Variants in MTREX observed in about 807,000 individuals in gnomAD.
MTREX encodes exosome RNA helicase MTR4.
MTREX carries 76 observed loss-of-function variants against 135.4 expected under a neutral mutation model. The observed-to-expected ratio is 0.56, with a 90% CI of 0.47 to 0.68. MTREX has a LOEUF of 0.68. Ranked by LOEUF, MTREX falls within the 30% of genes least tolerant of loss-of-function variation. MTREX has a pLI of 0.00. For synonymous variants in MTREX, 404 were observed against 401.6 expected (o/e 1.01, Z -0.07); for missense variants, 920 against 1,262.1 (o/e 0.73, Z 4.11).
rs1168571292 is a variant in MTREX at position 55,416,063 on chromosome 5, G to C, written c.2902G>C (p.Asp968His). 1 of 1,602,388 alleles carries C rather than the reference G, an allele frequency of 6.2e-7. No individual in the cohort carries two copies. The highest frequency in any genetic ancestry group is 8.5e-7 in the Non-Finnish European group (1 of 1,175,996). ...YLSSFKPHLM[D>H]VVYTWATGAT... The stretch of plus-strand genomic sequence containing the variant: ...AAGCTCATTTAAACCTCACTTAATG[G>C]ATGTAGTATATACCTGGGCAACTGG... Residue 968 changes from aspartate to histidine, a missense_variant, in exon 25 of 27, where the codon GAT becomes CAT. Asp to His is a moderately conservative substitution (Grantham distance 81). This residue lies in a region of MTREX where 467 missense variants were observed against 589.7 expected (regional missense o/e 0.79). Coordinates refer to ENST00000230640, the MANE Select transcript of MTREX (RefSeq NM_015360.5).
chr5:55,376,162 G>A (rs1225453969), intron 16 of MTREX, among the ~76,000 whole-genome samples: 3 of 152,198 alleles, frequency 2.0e-5, no homozygotes, highest in Non-Finnish European at 4.4e-5. Flanking sequence ...GTGAGCTTGA[G>A]GGGCTTCAAA....
chr5:55,358,549 T>C, intron 14 of MTREX, 24 bp from the exon 15 acceptor site: 1 of 1,566,580 alleles, frequency 6.4e-7, no homozygotes, highest in Non-Finnish European at 8.6e-7. Flanking sequence ...TCCTAAACTC[T>C]GAATTTTAAC....
intron 19 of MTREX, among the ~76,000 whole-genome samples, chr5:55,393,246 G>T (rs1181617795): frequency 6.6e-6 from 1 of 152,114 alleles, no homozygotes; most frequent in African/African-American, 2.4e-5. Context: ...GCAAGCCTTT[G>T]GTTAATTTCC....
At position 55,422,869 on chromosome 5, in the gene MTREX, T is replaced by C; in HGVS notation, c.2972-9T>C. ...CATTTTACCAGTGTTTTGTTCCTTT[T>C]CTATCCAGGCAGCATAATTCGTTGT... On this transcript the variant is annotated splice_polypyrimidine_tract_variant and intron_variant, in intron 25 of 26. Transcript: ENST00000230640. 1.2e-6 allele frequency: 2 copies of C among 1,605,710 alleles called. No individual in the cohort carries two copies. Among genetic ancestry groups the C allele is most frequent in the Non-Finnish European group, 1.7e-6 (2 of 1,176,862 alleles).
chr5:55,390,130 G>A lies in MTREX; in HGVS notation c.2181+2028G>A, dbSNP rs193254419. Among the ~76,000 whole-genome samples, 606 of 151,912 alleles carry A rather than the reference G, an allele frequency of 4.0e-3. 4 individuals are homozygous for A. Among genetic ancestry groups the A allele is most frequent in the African/African-American group, 0.014 (579 of 41,398 alleles). ...CTTTTTTCTTTTTTTTTGAGATGGA[G>A]TCTCGCTCTGTCACCAGGCTGGAGT... On this transcript the variant is annotated intron_variant, in intron 19 of 26. Transcript: ENST00000230640.
chr5:55,421,351 C>G (rs995075250), intron 25 of MTREX, among the ~76,000 whole-genome samples: 3 of 152,188 alleles, frequency 2.0e-5, no homozygotes, highest in Non-Finnish European at 2.9e-5. Flanking sequence ...TGTGCACATA[C>G]CCAGTGATTT....
chr5:55,366,593 C>A, intron 15 of MTREX, 132 bp from the exon 16 acceptor site: 2 of 588,718 alleles, frequency 3.4e-6, no homozygotes, highest in East Asian at 3.4e-5. Context: ...TATTGGTTAA[C>A]TAAAGGGTAG....
At chr5:55,308,631 A>G (rs1749027790) in intron 1 of MTREX, among the ~76,000 whole-genome samples, 2 of 152,270 alleles carry the variant, frequency 1.3e-5, no homozygotes, top group South Asian at 4.1e-4. Context: ...CCACTGGTGG[A>G]TATGAGGATT....
intron 25 of MTREX, among the ~76,000 whole-genome samples, chr5:55,419,738 T>G (rs186943258): frequency 7.8e-4 from 119 of 152,336 alleles, no homozygotes; most frequent in Admixed American, 2.0e-3. Context: ...CTATGATGAA[T>G]TATCTCTTGA....
intron 11 of MTREX, among the ~76,000 whole-genome samples, chr5:55,349,124 T>C (rs1749783940): frequency 6.6e-6 from 1 of 152,106 alleles, no homozygotes; most frequent in African/African-American, 2.4e-5. Context: ...GTGGTAATTT[T>C]TATCTACTTT....
chr5:55,324,265 G>A (rs1475616809), intron 3 of MTREX, 67 bp downstream of exon 3: 2 of 1,112,668 alleles, frequency 1.8e-6, no homozygotes, highest in Admixed American at 3.8e-5. Flanking sequence ...TATCTAGTAT[G>A]ATGATCAGCA....
At chr5:55,371,981 A>G (rs1034713375) in intron 16 of MTREX, among the ~76,000 whole-genome samples, 1 of 152,050 alleles carries the variant, frequency 6.6e-6, no homozygotes, top group East Asian at 1.9e-4. Flanking sequence ...AAAAAAGAAA[A>G]TCTTCCTGGA....
intron 16 of MTREX, among the ~76,000 whole-genome samples, chr5:55,367,791 G>A (rs1337561378): frequency 1.3e-5 from 2 of 152,194 alleles, no homozygotes; most frequent in East Asian, 1.9e-4. Context: ...ACGATTTAAA[G>A]TACTGGTTTT....
At chr5:55,378,241 A>G in intron 16 of MTREX, 73 bp from the exon 17 acceptor site, 1 of 1,458,440 alleles carries the variant, frequency 6.9e-7, no homozygotes, top group Non-Finnish European at 9.0e-7. Flanking sequence ...CTAATAGAAA[A>G]AATCCTATGT....
Position 55,387,975 on chromosome 5 carries a change from C to T in MTREX, c.2054C>T (p.Pro685Leu), listed in dbSNP as rs1750505285. ...VNFSKKSNVK[P>L]NSGELDPLYV... ...AACATCTTCTGTTTTGTTTTTTAGCCTAACTCTGGTGAACTGGATCCTTTG... is the reference window on the plus strand; with the variant it reads ...AACATCTTCTGTTTTGTTTTTTAGCTTAACTCTGGTGAACTGGATCCTTTG... Residue 685 changes from proline to leucine, a missense_variant and splice_region_variant, in exon 19 of 27, where the codon CCT (proline) becomes CTT (leucine). By Grantham distance (98) the Pro-to-Leu change is moderately conservative. Around this residue, in one of 6 missense-constraint regions of MTREX, gnomAD observed 467 missense variants for 589.7 expected, o/e 0.79. Coordinates refer to ENST00000230640, the MANE Select transcript of MTREX (RefSeq NM_015360.5). 1 of 1,578,660 alleles carries T rather than the reference C, an allele frequency of 6.3e-7. No homozygotes were observed. Among genetic ancestry groups the T allele is most frequent in the Non-Finnish European group, 8.6e-7 (1 of 1,156,472 alleles).
chr5:55,316,093 T>G (rs1356837357), intron 1 of MTREX, among the ~76,000 whole-genome samples: 2 of 151,986 alleles, frequency 1.3e-5, no homozygotes, highest in Non-Finnish European at 2.9e-5. Flanking sequence ...CAGGAAGAAA[T>G]TGATTCCCTA....
chr5:55,325,230 CTTT>C (rs574132785), intron 3 of MTREX, among the ~76,000 whole-genome samples: 1 of 138,920 alleles, frequency 7.2e-6, no homozygotes, highest in Non-Finnish European at 1.6e-5. Flanking sequence ...AGAACCTTAT[CTTT>C]TTTTTTTTTA....
Position 55,333,383 on chromosome 5 carries a change from G to A in MTREX, c.515+4572G>A, listed in dbSNP as rs186586535. 2.5e-3 allele frequency among the ~76,000 whole-genome samples: 380 copies of A among 152,256 alleles called. 3 individuals are homozygous for A. The highest frequency in any genetic ancestry group is 4.4e-3 in the Non-Finnish European group (301 of 68,004). On this transcript the variant is annotated intron_variant, in intron 5 of 26. Transcript: ENST00000230640. ...TTCCTCCTAAGGCACAGGTATAGAA[G>A]AAGAGATTTGACTACTCTTAGTTCA...
At chr5:55,372,231 C>T (rs911728517) in intron 16 of MTREX, among the ~76,000 whole-genome samples, 4 of 152,010 alleles carry the variant, frequency 2.6e-5, no homozygotes, top group Non-Finnish European at 5.9e-5. Context: ...TGTTTACTGC[C>T]ATAATGCGTG....
Sources: allele counts gnomAD v4.1 joint callset (sites outside exome capture counted in the v4.1 genomes callset), GRCh38; gene constraint gnomAD v4.1.1; regional missense constraint gnomAD v4.1.1; transcripts MANE v1.5; gene names NCBI Gene and HGNC (gene_info 2026-07-23, HGNC 2026-07-21).